The following DYNC2H1 variants were observed in gnomAD, a reference collection of about 807,000 sequenced individuals.
DYNC2H1 encodes dynein cytoplasmic 2 heavy chain 1, also known as cytoplasmic dynein 2 heavy chain 1.
In DYNC2H1, 410 loss-of-function variants were observed where a neutral mutation model predicts 570.0. The ratio of observed to expected loss-of-function variants is 0.72; its 90% CI spans 0.66 to 0.78. The LOEUF (loss-of-function observed/expected upper bound fraction) is 0.78, where lower values mean the gene tolerates loss of function less well. DYNC2H1 is among the 30% of genes least tolerant of loss of function. The pLI, the probability that DYNC2H1 is intolerant of heterozygous loss-of-function variation, is 0.00. For synonymous variants in DYNC2H1, 1,688 were observed against 1,677.6 expected, an observed-to-expected ratio of 1.01 and a Z score of -0.15; for missense variants, 4,865 against 5,046.4, an observed-to-expected ratio of 0.96 and a Z score of 1.09.
intron 36 of DYNC2H1, among the ~76,000 whole-genome samples, chr11:103,175,923 C>A (rs915453077): frequency 6.6e-6 from 1 of 152,006 alleles, no homozygotes; most frequent in Non-Finnish European, 1.5e-5. Flanking sequence ...AGGATTACAT[C>A]ATATAATATA....
intron 59 of DYNC2H1, among the ~76,000 whole-genome samples, chr11:103,223,568 A>G (rs1488996882): frequency 7.8e-5 from 1 of 12,804 alleles, no homozygotes; most frequent in African/African-American, 3.8e-4. Flanking sequence ...TGTTATTTTT[A>G]GTAGAGACTA....
chr11:103,297,116 C>T (rs1866865128), intron 75 of DYNC2H1, among the ~76,000 whole-genome samples: 1 of 152,046 alleles, frequency 6.6e-6, no homozygotes, highest in Non-Finnish European at 1.5e-5. Context: ...GCTTATATCT[C>T]TTATTTCCAG....
At chr11:103,322,917 A>G (rs986440024) in intron 81 of DYNC2H1, among the ~76,000 whole-genome samples, 5 of 152,212 alleles carry the variant, frequency 3.3e-5, no homozygotes, top group African/African-American at 1.2e-4. Flanking sequence ...ACCTTGAGGA[A>G]GTTTACAAAT....
rs369345273 is a variant in DYNC2H1, at chr11:103,469,316, T to C, written c.12765+611T>C. Among the ~76,000 whole-genome samples, 380 of 152,336 alleles carry C rather than the reference T, an allele frequency of 2.5e-3. 1 individual carries two copies. The highest frequency in any genetic ancestry group is 8.8e-3 in the African/African-American group (364 of 41,586). On this transcript the variant is annotated intron_variant, in intron 88 of 88. Coordinates refer to ENST00000375735, the MANE Select transcript of DYNC2H1 (RefSeq NM_001377.3). ...AAACTTTCAACAGTAGAACTTGGGG[T>C]ATACATGTCTTTCAAATAGGACATA... is the stretch of plus-strand genomic sequence containing the variant.
intron 11 of DYNC2H1, among the ~76,000 whole-genome samples, chr11:103,123,509 C>T (rs1858828639): frequency 6.6e-6 from 1 of 152,026 alleles, no homozygotes; most frequent in African/African-American, 2.4e-5. Context: ...GGAATTCTGG[C>T]TCTGGAGGAA....
At chr11:103,409,304 A>G (rs1942990437) in intron 84 of DYNC2H1, among the ~76,000 whole-genome samples, 1 of 152,036 alleles carries the variant, frequency 6.6e-6, no homozygotes, top group Non-Finnish European at 1.5e-5. Flanking sequence ...ATGTAAGCTT[A>G]TGTGATGGAG....
rs1255082503 is a variant in DYNC2H1 at position 103,209,370 on chromosome 11, A to T, written c.8455-506A>T. Among the ~76,000 whole-genome samples the T allele has an allele frequency of 6.6e-6, 1 of 151,930 alleles. No homozygotes were observed. The highest frequency in any genetic ancestry group is 1.5e-5 in the Non-Finnish European group (1 of 67,928). On this transcript the variant is annotated intron_variant, in intron 52 of 88. Transcript: ENST00000375735. This position sits in a 1 kb window ranked among gnomAD's most constrained non-coding sequence, Gnocchi z 4.2. The stretch of plus-strand genomic sequence containing the variant: ...TCTGCTTATGAAACTGTATTTGCTT[A>T]TTTACAGTAGTGGCAAAATTCCAGT...
rs777267743 is a variant in DYNC2H1, at chr11:103,341,965, A to AC, written c.12040-16274dup. 6.6e-5 allele frequency among the ~76,000 whole-genome samples: 10 copies of AC among 152,198 alleles called. No individual in the cohort carries two copies. In the East Asian group the frequency reaches 7.7e-4, roughly 12 times the overall value. On this transcript the variant is annotated intron_variant, in intron 82 of 88. Coordinates refer to ENST00000375735, the MANE Select transcript of DYNC2H1 (RefSeq NM_001377.3). ...ATTTCAACCTGGGCAACATAGTGAG[A>AC]CCCCTTCTCTACAAAAAATTAAAAA...
chr11:103,434,165 A>G (rs1425807606), intron 84 of DYNC2H1, among the ~76,000 whole-genome samples: 1 of 152,054 alleles, frequency 6.6e-6, no homozygotes, highest in Non-Finnish European at 1.5e-5. Flanking sequence ...CCCTGGAGCC[A>G]AGTTCTCTTT....
At chr11:103,427,580 G>C (rs1294056930) in intron 84 of DYNC2H1, among the ~76,000 whole-genome samples, 3 of 152,070 alleles carry the variant, frequency 2.0e-5, no homozygotes, top group Non-Finnish European at 2.9e-5. Context: ...TCTGAAAGCT[G>C]GGAAGTCCAA....
At chr11:103,456,509 G>A (rs952226761) in intron 87 of DYNC2H1, among the ~76,000 whole-genome samples, 153 bp downstream of exon 87, 1 of 152,060 alleles carries the variant, frequency 6.6e-6, no homozygotes, top group Admixed American at 6.6e-5. Context: ...AATAAGATTT[G>A]GCATGAAACA....
At chr11:103,216,184 G>C (rs1591423818) in intron 55 of DYNC2H1, among the ~76,000 whole-genome samples, 2 of 151,966 alleles carry the variant, frequency 1.3e-5, no homozygotes, top group Admixed American at 1.3e-4. Context: ...ATTTTTCTTA[G>C]AATTCTCTCC....
intron 73 of DYNC2H1, 21 bp from the exon 74 acceptor site, chr11:103,286,234 A>T: frequency 6.2e-7 from 1 of 1,608,086 alleles, no homozygotes; most frequent in East Asian, 2.2e-5. Context: ...CTCACTGTAT[A>T]TGGCCATTTT....
chr11:103,344,367 G>A (rs541149191), intron 82 of DYNC2H1, among the ~76,000 whole-genome samples: 6 of 152,176 alleles, frequency 3.9e-5, no homozygotes, highest in East Asian at 1.9e-4. Flanking sequence ...CATCTAATTC[G>A]GAATAAATGC....
At chr11:103,420,006 C>T (rs528264766) in intron 84 of DYNC2H1, among the ~76,000 whole-genome samples, 9 of 152,024 alleles carry the variant, frequency 5.9e-5, no homozygotes, top group African/African-American at 2.2e-4. Flanking sequence ...GTATCAATAG[C>T]AGAATAGACC....
chr11:103,423,408 T>TAAAAAAAAA (rs60223334), intron 84 of DYNC2H1, among the ~76,000 whole-genome samples: 1 of 120,430 alleles, frequency 8.3e-6, no homozygotes, highest in Non-Finnish European at 1.9e-5. Context: ...GCCAAAAAAG[T>TAAAAAAAAA]AAAAAAAAAA....
intron 72 of DYNC2H1, 121 bp downstream of exon 72, chr11:103,282,350 A>G (rs1022435996): frequency 2.4e-6 from 2 of 832,194 alleles, no homozygotes; most frequent in Admixed American, 2.8e-5. Context: ...ATTTGATTAG[A>G]AGAATATATT....
At position 103,179,094 on chromosome 11, in the gene DYNC2H1, C is replaced by G; in HGVS notation, c.6208C>G (p.Leu2070Val). 1 of 1,612,812 alleles carries G rather than the reference C, an allele frequency of 6.2e-7. No individual in the cohort carries two copies. The highest frequency in any genetic ancestry group is 1.1e-5 in the South Asian group (1 of 91,006). ...ATGGATAGAATCTCTGAATTCTGTT[C>G]TGGATGATAATCGACTGCTGACTAT... ...PEWIESLNSV[L>V]DDNRLLTMPS... is the part of the protein sequence containing the mutation. The change falls in exon 39 of 89, where the codon CTG (leucine) becomes GTG (valine). Residue 2070 changes from leucine (L) to valine (V), a missense_variant. Physicochemically the swap from Leu to Val is conservative, Grantham distance 32. Coordinates refer to ENST00000375735, the MANE Select transcript of DYNC2H1 (RefSeq NM_001377.3).
intron 62 of DYNC2H1, 80 bp from the exon 63 acceptor site, chr11:103,236,350 C>T (rs953248044): frequency 2.7e-5 from 24 of 889,368 alleles, no homozygotes; most frequent in Middle Eastern, 2.8e-4. Context: ...ACTTTTGTTT[C>T]GGAATAAATA....
Sources: gnomAD v4.1 joint callset for allele counts (sites outside exome capture counted in the v4.1 genomes callset) on GRCh38, gnomAD v4.1.1 for gene constraint, Gnocchi (gnomAD v3.1) non-coding constraint, MANE v1.5 for transcripts, NCBI Gene and HGNC (gene_info 2026-07-23, HGNC 2026-07-21) for gene names.